TOP2B: variants seen among roughly 807,000 people sequenced by gnomAD.
TOP2B encodes the protein DNA topoisomerase II beta.
Under a neutral mutation model 193.5 loss-of-function variants are expected in TOP2B, and 51 were observed. The observed-to-expected ratio is 0.26, with a 90% CI of 0.21 to 0.33. The LOEUF is 0.33. Ranked by LOEUF, TOP2B falls within the 10% of genes least tolerant of loss-of-function variation. The probability of loss-of-function intolerance (pLI) is 1.00; values close to 1 mark genes in which losing one functional copy is unlikely to be tolerated. For synonymous variants in TOP2B, 634 were observed against 635.7 expected (o/e 1.00, Z 0.04); for missense variants, 1,378 against 1,909.3 (o/e 0.72, Z 5.19).
In TOP2B at chr3:25,623,573, G is replaced by A. The variant is rs1376770591; in HGVS notation, c.2669C>T (p.Ala890Val). ...GWACKLPNYD[A>V]REIVNNVRRM... ...TCTGACATTGTTCACAATTTCCCTA[G>A]CATCATAGTTGGGTAGTTTACAAGC... Residue 890 changes from alanine to valine, a missense_variant, in exon 21 of 36, where the codon GCT becomes GTT. Ala to Val is a moderately conservative substitution (Grantham distance 64). Coordinates refer to ENST00000264331, the MANE Select transcript of TOP2B (RefSeq NM_001330700.2). 6.2e-7 allele frequency: 1 copy of A among 1,613,882 alleles called. No homozygotes were observed. The highest frequency in any genetic ancestry group is 1.7e-5 in the Admixed American group (1 of 60,002).
In TOP2B at chr3:25,630,049, T is replaced by C; in HGVS notation, c.1669A>G (p.Ile557Val). 2 of 1,606,722 alleles carry C rather than the reference T, an allele frequency of 1.2e-6. No individual in the cohort carries two copies. Among genetic ancestry groups the C allele is most frequent in the South Asian group, 2.2e-5 (2 of 89,244 alleles). ...CCAACCTGATCGGTCATAATCATAA[T>C]CTTTCCATAGCGTAAGGTTTTCAGA... Reference protein sequence around the residue: ...ESLKTLRYGKIMIMTDQDQDG... With the variant: ...ESLKTLRYGKVMIMTDQDQDG... Residue 557 changes from isoleucine to valine, a missense_variant, in exon 13 of 36, where the codon ATT becomes GTT. Around this residue, in one of 9 missense-constraint regions of TOP2B, gnomAD observed 66 missense variants for 153.3 expected, o/e 0.43. Coordinates refer to ENST00000264331, the MANE Select transcript of TOP2B (RefSeq NM_001330700.2).
At chr3:25,619,698 G>A (rs866283726) in intron 23 of TOP2B, among the ~76,000 whole-genome samples, 164 bp downstream of exon 23, 2 of 112,140 alleles carry the variant, frequency 1.8e-5, no homozygotes, top group East Asian at 5.2e-4. Context: ...CTAGAAGAAA[G>A]AAATGTGCCC....
intron 10 of TOP2B, among the ~76,000 whole-genome samples, chr3:25,631,150 A>G (rs1160047983): frequency 2.0e-5 from 3 of 152,126 alleles, no homozygotes; most frequent in Non-Finnish European, 2.9e-5. Context: ...ATGAAAAAGG[A>G]TAACTTTTAC....
chr3:25,619,783 C>A, intron 23 of TOP2B, 79 bp downstream of exon 23: 1 of 1,030,718 alleles, frequency 9.7e-7, no homozygotes, highest in Non-Finnish European at 1.4e-6. Flanking sequence ...TATAGCCACT[C>A]CCATCATGAA....
intron 35 of TOP2B, 81 bp downstream of exon 35, chr3:25,599,354 T>C: frequency 7.5e-7 from 1 of 1,340,158 alleles, no homozygotes; most frequent in South Asian, 1.3e-5. Flanking sequence ...GTTCCAGGAC[T>C]ATAGTCATAA....
Position 25,598,417 on chromosome 3 carries a change from G to C in TOP2B, c.4771C>G (p.Pro1591Ala). The change falls in exon 36 of 36, where the codon CCT becomes GCT. Residue 1591 changes from proline to alanine, a missense_variant. By Grantham distance (27) the Pro-to-Ala change is conservative. Transcript: ENST00000264331. ...SDVDIFPSDF[P>A]TEPPSLPRTG... ...CGTGGCAGAGAAGGTGGCTCAGTAGGGAAGTCTGAGGGGAAGATGTCCACA... is the reference window on the plus strand; with the variant it reads ...CGTGGCAGAGAAGGTGGCTCAGTAGCGAAGTCTGAGGGGAAGATGTCCACA... The C allele has an allele frequency of 6.2e-7, 1 of 1,613,314 alleles. No individual in the cohort carries two copies. The highest frequency in any genetic ancestry group is 8.5e-7 in the Non-Finnish European group (1 of 1,179,486).
At chr3:25,643,944 T>C (rs566667867) in intron 2 of TOP2B, among the ~76,000 whole-genome samples, 160 bp from the exon 3 acceptor site, 2 of 152,344 alleles carry the variant, frequency 1.3e-5, no homozygotes, top group Non-Finnish European at 2.9e-5. Flanking sequence ...ACTATTCATA[T>C]TAAATTAACC....
In TOP2B at chr3:25,619,925, T is replaced by C. The variant is rs753616529; in HGVS notation, c.3000A>G (p.Gln1000=). The C allele has an allele frequency of 6.2e-7, 1 of 1,613,358 alleles. No homozygotes were observed. The highest frequency in any genetic ancestry group is 8.5e-7 in the Non-Finnish European group (1 of 1,179,696). ...CTTTATGCAGTCCAGCAGCTTCTGC[T>C]TGTGCTAGTTTCTCTTCAGTCATTT... is the stretch of plus-strand genomic sequence containing the variant. ...VVKMTEEKLA[Q]AEAAGLHKVF... Residue 1000 remains glutamine, a synonymous_variant, in exon 23 of 36, where the codon CAA becomes CAG. Coordinates refer to ENST00000264331, the MANE Select transcript of TOP2B (RefSeq NM_001330700.2).
intron 31 of TOP2B, 36 bp from the exon 32 acceptor site, chr3:25,606,158 A>G (rs1452020156): frequency 1.0e-6 from 1 of 996,930 alleles, no homozygotes; most frequent in East Asian, 2.8e-5. Flanking sequence ...AGAGGATACA[A>G]TTTAAATATC....
intron 8 of TOP2B, 66 bp from the exon 9 acceptor site, chr3:25,632,860 G>C: frequency 7.8e-7 from 1 of 1,286,338 alleles, no homozygotes; most frequent in South Asian, 1.3e-5. Flanking sequence ...TACTTTATCT[G>C]TATTATAAAC....
chr3:25,603,482 A>G (rs1702159999), intron 33 of TOP2B, among the ~76,000 whole-genome samples: 1 of 152,122 alleles, frequency 6.6e-6, no homozygotes, highest in African/African-American at 2.4e-5. Flanking sequence ...ACCTCAAGCA[A>G]TCTGCCTGCC....
rs1385144339 is a variant in TOP2B, at chr3:25,598,053, A to AAAATCTGTGCTAATGCACGG, written c.*234_*253dup. On this transcript the variant is annotated 3_prime_UTR_variant, in exon 36 of 36. Coordinates refer to ENST00000264331, the MANE Select transcript of TOP2B (RefSeq NM_001330700.2). Reference sequence around the variant, plus strand: ...TCTGTAGTTTGTAACCATGACAATTAAAATCTGTGCTAATGCACGGCAGTC... The same window carrying AAAATCTGTGCTAATGCACGG: ...TCTGTAGTTTGTAACCATGACAATTAAAATCTGTGCTAATGCACGGAAATCTGTGCTAATGCACGGCAGTC... 1 of 273,420 alleles carries AAAATCTGTGCTAATGCACGG rather than the reference A, an allele frequency of 3.7e-6. No homozygotes were observed. The highest frequency in any genetic ancestry group is 2.2e-5 in the African/African-American group (1 of 45,616). The allele number at this position is 273,420 out of a possible 1,614,324, so 16.9% of individuals were successfully genotyped here.
Position 25,637,230 on chromosome 3 carries a change from T to G in TOP2B, c.624A>C (p.Lys208Asn). 1 of 1,555,484 alleles carries G rather than the reference T, an allele frequency of 6.4e-7. No individual in the cohort carries two copies. The highest frequency in any genetic ancestry group is 1.2e-5 in the South Asian group (1 of 84,442). ...FTVETACKEY[K>N]HSFKQTWMNN... ...TCTAGCATACCTGCTTAAAACTGTGTTTGTATTCTTTGCAAGCTGTTTCTA... is the reference window on the plus strand; with the variant it reads ...TCTAGCATACCTGCTTAAAACTGTGGTTGTATTCTTTGCAAGCTGTTTCTA... The change falls in exon 6 of 36, where the codon AAA becomes AAC. Residue 208 changes from lysine to asparagine, a missense_variant. Lys to Asn is a moderately conservative substitution (Grantham distance 94). This residue lies in a region of TOP2B where 222 missense variants were observed against 306.6 expected (regional missense o/e 0.72). Coordinates refer to ENST00000264331, the MANE Select transcript of TOP2B (RefSeq NM_001330700.2).
rs1702740200 is a variant in TOP2B, at chr3:25,624,390, T to C, written c.2402A>G (p.Asn801Ser). The change falls in exon 20 of 36, where the codon AAC (asparagine) becomes AGC (serine). Residue 801 changes from asparagine (N) to serine (S), a missense_variant. Coordinates refer to ENST00000264331, the MANE Select transcript of TOP2B (RefSeq NM_001330700.2). ...NLAQNFVGSN[N>S]INLLQPIGQF... Reference sequence around the variant, plus strand: ...ACCAATAGGCTGAAGCAAGTTAATGTTGTTACTTCCCACAAAGTTCTGAGC... The same window carrying C: ...ACCAATAGGCTGAAGCAAGTTAATGCTGTTACTTCCCACAAAGTTCTGAGC... 1 of 1,613,806 alleles carries C rather than the reference T, an allele frequency of 6.2e-7. No individual in the cohort carries two copies. The highest frequency in any genetic ancestry group is 1.3e-5 in the African/African-American group (1 of 74,922).
chr3:25,633,382 C>T (rs1303064034), intron 8 of TOP2B, among the ~76,000 whole-genome samples: 1 of 152,090 alleles, frequency 6.6e-6, no homozygotes, highest in Non-Finnish European at 1.5e-5. Context: ...ACACAAAGCT[C>T]CATGCCTTAC....
chr3:25,658,648 T>C (rs567883839), intron 1 of TOP2B, among the ~76,000 whole-genome samples: 1 of 152,268 alleles, frequency 6.6e-6, no homozygotes, highest in East Asian at 1.9e-4. Flanking sequence ...AATAACTATA[T>C]AGACTATATA....
chr3:25,637,164 A>G lies in TOP2B; in HGVS notation c.639+51T>C, dbSNP rs1444155461. The G allele has an allele frequency of 5.8e-6, 8 of 1,386,204 alleles. 1 individual carries two copies. Among genetic ancestry groups the G allele is most frequent in the South Asian group, 2.5e-5 (2 of 79,632 alleles). The allele number at this position is 1,386,204 out of a possible 1,614,324, so 85.9% of individuals were successfully genotyped here. On this transcript the variant is annotated intron_variant, in intron 6 of 35. Transcript: ENST00000264331. ...TACCCAAGGTTCTACTATCTCGGCA[A>G]GATAATAAAACGTTATTTTAAAAAA...
intron 1 of TOP2B, among the ~76,000 whole-genome samples, chr3:25,649,576 A>T (rs2125401799): frequency 6.6e-6 from 1 of 150,872 alleles, no homozygotes; most frequent in Non-Finnish European, 1.5e-5. Flanking sequence ...GCAAGATAGA[A>T]GGGATTGGAA....
intron 4 of TOP2B, among the ~76,000 whole-genome samples, chr3:25,640,733 T>G (rs1209382204): frequency 4.6e-5 from 7 of 151,134 alleles, no homozygotes; most frequent in Non-Finnish European, 8.8e-5. Flanking sequence ...AGTTGTCTTA[T>G]AGCTCACTTC....
Sources: allele counts gnomAD v4.1 joint callset (sites outside exome capture counted in the v4.1 genomes callset), GRCh38; gene constraint gnomAD v4.1.1; regional missense constraint gnomAD v4.1.1; transcripts MANE v1.5; gene names NCBI Gene and HGNC (gene_info 2026-07-23, HGNC 2026-07-21).